Variants in MEIKIN observed in about 807,000 individuals in gnomAD.
The protein encoded by MEIKIN is meiotic kinetochore factor.
chr5:131,862,565 A>G (rs1750305471), intron 9 of MEIKIN, among the ~76,000 whole-genome samples: 1 of 152,112 alleles, frequency 6.6e-6, no homozygotes, highest in South Asian at 2.1e-4. Context: ...TTTTTCTTAC[A>G]TAACATTAAA....
chr5:131,902,433 A>C (rs1751174351), intron 8 of MEIKIN, among the ~76,000 whole-genome samples: 1 of 151,718 alleles, frequency 6.6e-6, no homozygotes, highest in African/African-American at 2.4e-5. Flanking sequence ...ATCTTTCTCA[A>C]TTTAAAAAAA....
rs1750110313 is a variant in MEIKIN at position 131,851,307 on chromosome 5, T to C, written c.932A>G (p.Glu311Gly). 1 of 398,126 alleles carries C rather than the reference T, an allele frequency of 2.5e-6. No individual in the cohort carries two copies. The highest frequency in any genetic ancestry group is 1.3e-4 in the South Asian group (1 of 7,856). The allele number at this position is 398,126 out of a possible 1,614,324, so 24.7% of individuals were successfully genotyped here. The change falls in exon 11 of 13, where the codon GAA becomes GGA. Residue 311 changes from glutamate to glycine, a missense_variant. By Grantham distance (98) the Glu-to-Gly change is moderately conservative. Transcript: ENST00000442687. Reference sequence around the variant, plus strand: ...CTGCAAACTTGACACAGGAACAATTTCATTTGAATTAACATAATTGCTGAC... The same window carrying C: ...CTGCAAACTTGACACAGGAACAATTCCATTTGAATTAACATAATTGCTGAC... ...PNVSNYVNSN[E>G]IVPVSSLQEN... is the part of the protein sequence containing the mutation.
At chr5:131,850,690 G>A (rs750683168) in intron 11 of MEIKIN, among the ~76,000 whole-genome samples, 16 of 151,936 alleles carry the variant, frequency 1.1e-4, no homozygotes, top group Non-Finnish European at 2.1e-4. Context: ...ATGGATCAAT[G>A]ACCTAAATAC....
At chr5:131,810,524 AT>A (rs2149599887) in intron 12 of MEIKIN, among the ~76,000 whole-genome samples, 1 of 152,324 alleles carries the variant, frequency 6.6e-6, no homozygotes, top group South Asian at 2.1e-4. Flanking sequence ...TGGCCAGGTC[AT>A]TTTTGTTATA....
intron 2 of MEIKIN, 24 bp downstream of exon 2, chr5:131,945,114 AGGTGGCAAGCTAGGATCG>A (rs1156765139): frequency 2.5e-6 from 1 of 399,008 alleles, no homozygotes; most frequent in Non-Finnish European, 4.4e-6. Context: ...AAGTTTTCTG[AGGTGGCAAGCTAGGATCG>A]GGCTGTTACT....
Position 131,839,080 on chromosome 5 carries a change from T to C in MEIKIN, c.975+12184A>G, listed in dbSNP as rs558734433. ...TTGTTCTCATTAGTTTCAAAGAACT[T>C]CTTGATTTCTGCCTTTATTTCATTA... On this transcript the variant is annotated intron_variant, in intron 11 of 12. Transcript: ENST00000442687. Among the ~76,000 whole-genome samples, 3 of 152,344 alleles carry C rather than the reference T, an allele frequency of 2.0e-5. No individual in the cohort carries two copies. The South Asian group carries it at 6.2e-4, about 32-fold the overall frequency.
At chr5:131,930,046 G>C (rs1324352792) in intron 5 of MEIKIN, among the ~76,000 whole-genome samples, 1 of 152,158 alleles carries the variant, frequency 6.6e-6, no homozygotes, top group East Asian at 1.9e-4. Flanking sequence ...TCCAGTAATA[G>C]GATTGTTGGG....
At chr5:131,899,264 C>A (rs1009114550) in intron 8 of MEIKIN, among the ~76,000 whole-genome samples, 1 of 152,084 alleles carries the variant, frequency 6.6e-6, no homozygotes, top group Non-Finnish European at 1.5e-5. Context: ...AAGTTGTGAT[C>A]AGCTTAAAAT....
intron 6 of MEIKIN, among the ~76,000 whole-genome samples, chr5:131,919,546 T>G (rs1328223103): frequency 1.3e-5 from 2 of 152,084 alleles, no homozygotes; most frequent in Admixed American, 6.5e-5. Context: ...TATGCAGCTG[T>G]AAAAAATAAA....
chr5:131,885,169 G>C (rs779784719), intron 8 of MEIKIN, among the ~76,000 whole-genome samples: 1 of 152,098 alleles, frequency 6.6e-6, no homozygotes, highest in Non-Finnish European at 1.5e-5. Context: ...CAGAGCCTTA[G>C]GGCCTTGAGA....
At chr5:131,909,765 A>C (rs1437331868) in intron 8 of MEIKIN, among the ~76,000 whole-genome samples, 3 of 152,124 alleles carry the variant, frequency 2.0e-5, no homozygotes, top group Non-Finnish European at 4.4e-5. Context: ...CAAAAGACCT[A>C]AACAGACATT....
intron 9 of MEIKIN, among the ~76,000 whole-genome samples, chr5:131,865,224 ATTTTT>A (rs34459901): frequency 6.9e-6 from 1 of 145,906 alleles, no homozygotes. Flanking sequence ...GGATTTTGTG[ATTTTT>A]TTTTTTTTTA....
At position 131,829,066 on chromosome 5, in the gene MEIKIN, T is replaced by A. The variant is rs149886483; in HGVS notation, c.976-10203A>T. Among the ~76,000 whole-genome samples the A allele has an allele frequency of 3.2e-3, 483 of 152,004 alleles. 3 individuals carry two copies. The highest frequency in any genetic ancestry group is 0.011 in the African/African-American group (460 of 41,462). On this transcript the variant is annotated intron_variant, in intron 11 of 12. Coordinates refer to ENST00000442687, the MANE Select transcript of MEIKIN (RefSeq NM_001303622.2). ...AGCACATCATCATAAAATATCAGAATACAAGGGACAAGGAGAAGATCCCTC... is the reference window on the plus strand; with the variant it reads ...AGCACATCATCATAAAATATCAGAAAACAAGGGACAAGGAGAAGATCCCTC...
intron 8 of MEIKIN, among the ~76,000 whole-genome samples, chr5:131,901,584 C>G (rs28537859): frequency 0.22 from 32,919 of 152,112 alleles, 3,813 homozygotes; most frequent in East Asian, 0.49. Flanking sequence ...TGGCTGGCAC[C>G]ACTCATCAGA....
intron 8 of MEIKIN, among the ~76,000 whole-genome samples, chr5:131,888,572 G>A (rs1157464517): frequency 6.6e-6 from 1 of 151,838 alleles, no homozygotes; most frequent in Non-Finnish European, 1.5e-5. Context: ...TTTTTTTCTT[G>A]TAAATTTGTT....
chr5:131,854,628 T>C, intron 10 of MEIKIN, 126 bp downstream of exon 10: 1 of 390,406 alleles, frequency 2.6e-6, no homozygotes, highest in Middle Eastern at 6.5e-4. Flanking sequence ...AAAGTGTGCT[T>C]AAGCAACAGA....
intron 11 of MEIKIN, among the ~76,000 whole-genome samples, chr5:131,835,368 T>C (rs1017035748): frequency 6.6e-6 from 1 of 152,184 alleles, no homozygotes; most frequent in Non-Finnish European, 1.5e-5. Flanking sequence ...TTTTATTCAA[T>C]GTAGTCCAGA....
chr5:131,848,909 A>C (rs1750063006), intron 11 of MEIKIN, among the ~76,000 whole-genome samples: 1 of 151,942 alleles, frequency 6.6e-6, no homozygotes, highest in Non-Finnish European at 1.5e-5. Flanking sequence ...GGCGAGACTT[A>C]AAAAAAATCA....
rs564981997 is a variant in MEIKIN, at chr5:131,871,508, A to G, written c.774+7470T>C. 4.8e-3 allele frequency among the ~76,000 whole-genome samples: 724 copies of G among 152,340 alleles called. 5 individuals are homozygous for G. The highest frequency in any genetic ancestry group is 0.017 in the African/African-American group (687 of 41,592). On this transcript the variant is annotated intron_variant, in intron 9 of 12. Coordinates refer to ENST00000442687, the MANE Select transcript of MEIKIN (RefSeq NM_001303622.2). ...TAAACAAAGCGGCTGGGAAGCTCGAACTGGGTGGAGCCCACCACAGCTCAA... is the reference window on the plus strand; with the variant it reads ...TAAACAAAGCGGCTGGGAAGCTCGAGCTGGGTGGAGCCCACCACAGCTCAA...
Sources: gnomAD v4.1 joint callset for allele counts (sites outside exome capture counted in the v4.1 genomes callset) on GRCh38, gnomAD v4.1.1 for gene constraint, MANE v1.5 for transcripts, NCBI Gene and HGNC (gene_info 2026-07-23, HGNC 2026-07-21) for gene names.